Variants in KLF15 observed in about 807,000 individuals in gnomAD.
The protein encoded by KLF15 is Krueppel-like factor 15.
A neutral mutation model predicts 24.6 loss-of-function variants in KLF15; 4 were observed. The observed-to-expected ratio is 0.16, with a 90% CI of 0.08 to 0.37. KLF15 has a LOEUF of 0.37. Ranked by LOEUF, KLF15 falls within the 10% of genes least tolerant of loss-of-function variation. The pLI, the probability that KLF15 is intolerant of heterozygous loss-of-function variation, is 1.00. For synonymous variants in KLF15, 246 were observed against 236.3 expected, an observed-to-expected ratio of 1.04 and a Z score of -0.37; for missense variants, 496 against 560.6, an observed-to-expected ratio of 0.88 and a Z score of 1.16.
intron 2 of KLF15, among the ~76,000 whole-genome samples, chr3:126,345,923 AG>A (rs2107552279): frequency 6.6e-6 from 1 of 152,234 alleles, no homozygotes; most frequent in South Asian, 2.1e-4. Flanking sequence ...TGCCTGTCAG[AG>A]GAGGAAACTG....
At chr3:126,290,506 A>ACATTCCTT in the KLF15 span, among the ~76,000 whole-genome samples, 2 of 144,604 alleles carry the variant, frequency 1.4e-5, no homozygotes, top group Non-Finnish European at 3.0e-5. Context: ...CTTCCTTCCT[A>ACATTCCTT]CCTTCCTTCC....
chr3:126,349,627 G>A (rs1215130471), intron 2 of KLF15, among the ~76,000 whole-genome samples: 1 of 152,192 alleles, frequency 6.6e-6, no homozygotes, highest in East Asian at 1.9e-4. Flanking sequence ...AGATATCCAG[G>A]AAGAAGGCTG....
At chr3:126,308,341 T>A in the KLF15 span, among the ~76,000 whole-genome samples, 1 of 152,170 alleles carries the variant, frequency 6.6e-6, no homozygotes, top group African/African-American at 2.4e-5. Flanking sequence ...CCGGCCTCAC[T>A]CCCTGGTGTC....
intron 2 of KLF15, among the ~76,000 whole-genome samples, chr3:126,347,850 A>G (rs960082737): frequency 9.2e-5 from 14 of 152,196 alleles, no homozygotes; most frequent in Admixed American, 9.2e-4. Context: ...GAGGGAGGGC[A>G]CTGTCCATTA....
At chr3:126,300,436 C>T in the KLF15 span, among the ~76,000 whole-genome samples, 10,065 of 152,306 alleles carry the variant, frequency 0.066, 1,006 homozygotes, top group African/African-American at 0.22. Flanking sequence ...CGGGTGCCCC[C>T]AAGGCAGGCC....
At chr3:126,299,931 G>T in the KLF15 span, among the ~76,000 whole-genome samples, 2 of 152,060 alleles carry the variant, frequency 1.3e-5, no homozygotes, top group South Asian at 2.1e-4. Context: ...GACGATAGAA[G>T]TCTGTTGTTT....
chr3:126,316,194 G>C, the KLF15 span, among the ~76,000 whole-genome samples: 1 of 152,182 alleles, frequency 6.6e-6, no homozygotes, highest in South Asian at 2.1e-4. Flanking sequence ...AGCGGGGCTG[G>C]GAGTGCACGG....
chr3:126,316,221 AG>A, the KLF15 span, among the ~76,000 whole-genome samples: 1 of 149,572 alleles, frequency 6.7e-6, no homozygotes, highest in Admixed American at 6.6e-5. Flanking sequence ...TGGGGAAGGG[AG>A]TCCACGGGCC....
At chr3:126,321,808 G>A in the KLF15 span, among the ~76,000 whole-genome samples, 4 of 152,342 alleles carry the variant, frequency 2.6e-5, no homozygotes, top group East Asian at 1.9e-4. Context: ...TGAGTGTGCC[G>A]TATGTGTGTC....
At chr3:126,313,516 G>A in the KLF15 span, among the ~76,000 whole-genome samples, 108 of 152,258 alleles carry the variant, frequency 7.1e-4, no homozygotes, top group African/African-American at 2.6e-3. Flanking sequence ...ATAAATTTTG[G>A]GGGACATGAT....
the KLF15 span, among the ~76,000 whole-genome samples, chr3:126,301,585 T>G: frequency 6.6e-6 from 1 of 151,612 alleles, no homozygotes; most frequent in Non-Finnish European, 1.5e-5. Context: ...CTTTATTACT[T>G]CTGCTTTCTT....
the KLF15 span, among the ~76,000 whole-genome samples, chr3:126,304,288 T>G: frequency 1.3e-5 from 2 of 152,200 alleles, no homozygotes; most frequent in African/African-American, 4.8e-5. Context: ...CATTGGTAGA[T>G]AAATGCTGCT....
chr3:126,347,125 A>G (rs960241369), intron 2 of KLF15, among the ~76,000 whole-genome samples: 4 of 152,322 alleles, frequency 2.6e-5, no homozygotes, highest in Middle Eastern at 3.4e-3. Context: ...GAGGGTACAC[A>G]GGGGTCCAGT....
At chr3:126,310,487 G>T in the KLF15 span, among the ~76,000 whole-genome samples, 1 of 152,190 alleles carries the variant, frequency 6.6e-6, no homozygotes, top group Non-Finnish European at 1.5e-5. Flanking sequence ...AGTGTCCTCA[G>T]AGCAGGGAGT....
rs1397851303 is a variant in KLF15, at chr3:126,343,741, G to T, written c.1237C>A (p.Arg413Ser). 9.3e-6 allele frequency: 15 copies of T among 1,611,470 alleles called. No homozygotes were observed. The highest frequency in any genetic ancestry group is 1.3e-5 in the African/African-American group (1 of 74,900). Residue 413 changes from arginine (R) to serine (S), a missense_variant, in exon 3 of 3, where the codon CGC becomes AGC. Transcript: ENST00000296233. ...TCAGGGCGCTTTCAGTTCACGGAGC[G>T]CACGGAGCGGCTGCTCCGCGGGAAG... is the stretch of plus-strand genomic sequence containing the variant. ...HRFPRSSRSV[R>S]SVN
chr3:126,305,073 C>T, the KLF15 span, among the ~76,000 whole-genome samples: 1 of 152,296 alleles, frequency 6.6e-6, no homozygotes, highest in African/African-American at 2.4e-5. Context: ...CTTATCAACT[C>T]TCCTTTTCTC....
downstream of KLF15, among the ~76,000 whole-genome samples, chr3:126,340,048 A>G (rs1219561837): frequency 6.6e-6 from 1 of 152,076 alleles, no homozygotes; most frequent in Non-Finnish European, 1.5e-5. Context: ...GGCCATGGGG[A>G]GCTGAACTCA....
At chr3:126,308,457 A>G in the KLF15 span, among the ~76,000 whole-genome samples, 5,451 of 152,104 alleles carry the variant, frequency 0.036, 327 homozygotes, top group African/African-American at 0.12. Context: ...GGGGACGACC[A>G]CCTCATTCCA....
the KLF15 span, among the ~76,000 whole-genome samples, chr3:126,313,031 C>T: frequency 6.6e-6 from 1 of 152,154 alleles, no homozygotes; most frequent in African/African-American, 2.4e-5. Flanking sequence ...GTCCTAACCC[C>T]CAGAACCTCA....
Sources: allele counts gnomAD v4.1 joint callset (sites outside exome capture counted in the v4.1 genomes callset), GRCh38; gene constraint gnomAD v4.1.1; transcripts MANE v1.5; gene names NCBI Gene and HGNC (gene_info 2026-07-23, HGNC 2026-07-21).